CALN1: variants seen among roughly 807,000 people sequenced by gnomAD.
The protein encoded by CALN1 is calcium-binding protein 8.
Under a neutral mutation model 30.6 loss-of-function variants are expected in CALN1, and 17 were observed. The observed-to-expected ratio is 0.56, with a 90% CI of 0.38 to 0.83. The LOEUF is 0.83. CALN1 is among the 40% of genes least tolerant of loss of function. The pLI, the probability that CALN1 is intolerant of heterozygous loss-of-function variation, is 0.00. For missense variants in CALN1, 291 were observed against 354.9 expected (o/e 0.82, Z 1.45); for synonymous variants, 156 against 131.4 (o/e 1.19, Z -1.28).
At chr7:72,453,234 A>G in the CALN1 span, among the ~76,000 whole-genome samples, 1 of 152,214 alleles carries the variant, frequency 6.6e-6, no homozygotes, top group Non-Finnish European at 1.5e-5. Context: ...GCAGAAGAAA[A>G]CAGCTTTATT....
chr7:72,355,866 T>C (rs1314683029), intron 2 of CALN1, among the ~76,000 whole-genome samples: 1 of 152,182 alleles, frequency 6.6e-6, no homozygotes, highest in Non-Finnish European at 1.5e-5. Context: ...TACAAAGGTT[T>C]ATACATTTTG....
At chr7:72,462,610 C>A in the CALN1 span, among the ~76,000 whole-genome samples, 1 of 152,184 alleles carries the variant, frequency 6.6e-6, no homozygotes, top group African/African-American at 2.4e-5. Context: ...GCTGGGGGGA[C>A]AATGACAAAG....
At chr7:72,403,222 G>C in intron 2 of CALN1, 29 bp downstream of exon 2, 7 of 1,528,588 alleles carry the variant, frequency 4.6e-6, no homozygotes, top group Non-Finnish European at 5.3e-6. Flanking sequence ...AACAATCTAG[G>C]TCCTTGGGTT....
chr7:71,989,075 T>C (rs567609120), intron 5 of CALN1, among the ~76,000 whole-genome samples: 2 of 152,226 alleles, frequency 1.3e-5, no homozygotes, highest in East Asian at 1.9e-4. Flanking sequence ...TCAAACCAGA[T>C]TTCCTTGCTA....
chr7:71,950,597 G>C (rs1391775067), intron 5 of CALN1, among the ~76,000 whole-genome samples: 1 of 152,138 alleles, frequency 6.6e-6, no homozygotes, highest in Non-Finnish European at 1.5e-5. Context: ...ACCCAGAGTA[G>C]TCAAGTCCTT....
chr7:72,315,468 A>G lies in CALN1; in HGVS notation c.120-36658T>C, dbSNP rs188827754. The stretch of plus-strand genomic sequence containing the variant: ...TTAGCTGTCAAATTTTGAAAAACAG[A>G]GGCCGAGGCGGGAAGATCACTTGAA... On this transcript the variant is annotated intron_variant, in intron 2 of 6. Transcript: ENST00000395275. 3.6e-3 allele frequency among the ~76,000 whole-genome samples: 547 copies of G among 152,286 alleles called. 1 individual carries two copies. The highest frequency in any genetic ancestry group is 6.8e-3 in the Middle Eastern group (2 of 294).
At chr7:72,287,382 C>G (rs1798151471) in intron 2 of CALN1, among the ~76,000 whole-genome samples, 1 of 151,006 alleles carries the variant, frequency 6.6e-6, no homozygotes, top group African/African-American at 2.4e-5. Flanking sequence ...GCATGGTTCA[C>G]TCTATATTGG....
At chr7:72,240,783 G>A (rs1794777383) in intron 3 of CALN1, among the ~76,000 whole-genome samples, 1 of 152,196 alleles carries the variant, frequency 6.6e-6, no homozygotes, top group African/African-American at 2.4e-5. Flanking sequence ...TCACTAATGT[G>A]TAGGGTCCAT....
intron 1 of CALN1, among the ~76,000 whole-genome samples, chr7:72,408,628 G>A (rs1048604989): frequency 6.0e-5 from 9 of 149,200 alleles, no homozygotes; most frequent in African/African-American, 2.0e-4. Context: ...AGGATTGCAT[G>A]GTGGTCATGA....
chr7:72,094,839 G>T (rs904093687), intron 4 of CALN1, among the ~76,000 whole-genome samples: 1 of 152,104 alleles, frequency 6.6e-6, no homozygotes, highest in Admixed American at 6.5e-5. Context: ...CACATCCTCT[G>T]CTCTCATACA....
chr7:72,275,481 T>C (rs1419093745), intron 3 of CALN1, among the ~76,000 whole-genome samples: 1 of 152,124 alleles, frequency 6.6e-6, no homozygotes, highest in Non-Finnish European at 1.5e-5. Flanking sequence ...CCGAGATGCT[T>C]GTAATAAACC....
intron 3 of CALN1, among the ~76,000 whole-genome samples, chr7:72,266,088 G>A (rs1433291327): frequency 2.0e-5 from 3 of 151,780 alleles, no homozygotes; most frequent in Non-Finnish European, 4.4e-5. Flanking sequence ...GAGCAGTGAA[G>A]GCACCACCAC....
At chr7:71,846,853 T>TC (rs1399941310) in intron 5 of CALN1, among the ~76,000 whole-genome samples, 2 of 146,446 alleles carry the variant, frequency 1.4e-5, no homozygotes, top group Admixed American at 1.4e-4. Context: ...ATATTATATA[T>TC]GTATATATGT....
chr7:71,916,142 G>A (rs186472299), intron 5 of CALN1, among the ~76,000 whole-genome samples: 4 of 152,170 alleles, frequency 2.6e-5, no homozygotes, highest in Non-Finnish European at 1.5e-5. Context: ...GATTGGAGGT[G>A]GGTTCTAGAA....
the CALN1 span, among the ~76,000 whole-genome samples, chr7:72,494,358 T>C: frequency 1.3e-5 from 2 of 152,330 alleles, no homozygotes; most frequent in Admixed American, 6.5e-5. Context: ...GAGGACCTGC[T>C]AGCAAGCTTA....
chr7:72,011,463 C>G (rs1800078239), intron 5 of CALN1, among the ~76,000 whole-genome samples: 1 of 152,124 alleles, frequency 6.6e-6, no homozygotes, highest in South Asian at 2.1e-4. Context: ...AGGACACCAT[C>G]CCTGAAGCAC....
At chr7:72,364,031 G>A (rs545620976) in intron 2 of CALN1, among the ~76,000 whole-genome samples, 5 of 151,034 alleles carry the variant, frequency 3.3e-5, no homozygotes, top group South Asian at 2.1e-4. Context: ...CACGGTGCCC[G>A]GCACAAAATG....
At chr7:71,998,702 G>A (rs570858634) in intron 5 of CALN1, among the ~76,000 whole-genome samples, 44 of 151,402 alleles carry the variant, frequency 2.9e-4, no homozygotes, top group African/African-American at 4.8e-4. Flanking sequence ...CCCAAGTAGC[G>A]TACACCAACA....
the CALN1 span, among the ~76,000 whole-genome samples, chr7:72,472,509 G>T: frequency 6.6e-6 from 1 of 152,184 alleles, no homozygotes; most frequent in South Asian, 2.1e-4. Flanking sequence ...TCGAGGCCTG[G>T]CACAGTGGCT....
Sources: allele counts gnomAD v4.1 joint callset (sites outside exome capture counted in the v4.1 genomes callset), GRCh38; gene constraint gnomAD v4.1.1; transcripts MANE v1.5; gene names NCBI Gene and HGNC (gene_info 2026-07-23, HGNC 2026-07-21).